The following CCL17 variants were observed in gnomAD, a reference collection of about 807,000 sequenced individuals.
The protein encoded by CCL17 is C-C motif chemokine ligand 17, also known as C-C motif chemokine 17.
A neutral mutation model predicts 7.4 loss-of-function variants in CCL17; 8 were observed. The ratio of observed to expected loss-of-function variants is 1.09; its 90% CI spans 0.64 to 1.96. The LOEUF is 1.96. CCL17 is among the 30% of genes most tolerant of loss of function. CCL17 has a pLI of 0.00. For synonymous variants in CCL17, 40 were observed against 46.1 expected, an observed-to-expected ratio of 0.87 and a Z score of 0.54; for missense variants, 102 against 113.0, an observed-to-expected ratio of 0.90 and a Z score of 0.44.
upstream of CCL17, among the ~76,000 whole-genome samples, chr16:57,400,354 G>A (rs370240495): frequency 1.3e-3 from 201 of 151,492 alleles, no homozygotes; most frequent in East Asian, 6.4e-3. Context: ...GCGAGACTCC[G>A]TCTCAAAAAA....
At chr16:57,411,076 A>G (rs1343002809) in intron 1 of CCL17, among the ~76,000 whole-genome samples, 1 of 151,940 alleles carries the variant, frequency 6.6e-6, no homozygotes, top group East Asian at 1.9e-4. Context: ...CTTTCTTCCA[A>G]TCTCAGTATG....
At chr16:57,403,552 T>A (rs1263526409), upstream of CCL17, among the ~76,000 whole-genome samples, 1 of 28,306 alleles carries the variant, frequency 3.5e-5, no homozygotes, top group Non-Finnish European at 5.1e-5. Context: ...ATATATATTT[T>A]ATATATATAT....
the CCL17 span, among the ~76,000 whole-genome samples, chr16:57,396,798 G>A: frequency 6.6e-6 from 1 of 152,186 alleles, no homozygotes; most frequent in Non-Finnish European, 1.5e-5. Context: ...GGGATAGTAG[G>A]TGCCCCAGGG....
intron 1 of CCL17, among the ~76,000 whole-genome samples, chr16:57,405,580 C>T (rs1314758239): frequency 6.6e-6 from 1 of 152,152 alleles, no homozygotes; most frequent in South Asian, 2.1e-4. Flanking sequence ...TGCTTCCCAG[C>T]AGCTCACAGG....
chr16:57,415,768 T>C lies in CCL17; in HGVS notation c.192T>C (p.Phe64=). Residue 64 remains phenylalanine, a synonymous_variant, in exon 4 of 4, where the codon TTT becomes TTC. Coordinates refer to ENST00000219244, the MANE Select transcript of CCL17 (RefSeq NM_002987.3). The surrounding 1 kb of genome is among the most constrained non-coding windows in gnomAD (Gnocchi z 4.5). ...SEDCSRDAIV[F]VTVQGRAICS... ...GTAACGTCCTCCTTCTGTGTAGTTT[T>C]GTAACTGTGCAGGGCAGGGCCATCT... 6.2e-7 allele frequency: 1 copy of C among 1,608,296 alleles called. No individual in the cohort carries two copies. The highest frequency in any genetic ancestry group is 8.5e-7 in the Non-Finnish European group (1 of 1,174,670).
rs1470690966 is a variant in CCL17, at chr16:57,415,923, G to A, written c.*62G>A. On this transcript the variant is annotated 3_prime_UTR_variant, in exon 4 of 4. Coordinates refer to ENST00000219244, the MANE Select transcript of CCL17 (RefSeq NM_002987.3). This position sits in a 1 kb window ranked among gnomAD's most constrained non-coding sequence, Gnocchi z 4.5. ...ACTACCTGGGACCTCCACCGTTGGT[G>A]TTCACCGCCCCCACCCTGAGCGCCT... 1.8e-6 allele frequency: 2 copies of A among 1,138,396 alleles called. No individual in the cohort carries two copies. The highest frequency in any genetic ancestry group is 4.7e-5 in the East Asian group (2 of 42,160). The allele number at this position is 1,138,396 out of a possible 1,614,324, so 70.5% of individuals were successfully genotyped here. A position where few individuals can be genotyped will look rare whatever the true frequency, so the allele number is the denominator to read the frequency against.
chr16:57,413,353 C>T lies in CCL17; in HGVS notation c.-59-521C>T, dbSNP rs991398574. On this transcript the variant is annotated intron_variant, in intron 1 of 3. Transcript: ENST00000219244. ...AGAGTGATGCCCATGTGCCCATGCC[C>T]GGCAGCCAGGGTGGCCCTGGCAGCA... 2.4e-4 allele frequency among the ~76,000 whole-genome samples: 37 copies of T among 152,014 alleles called. 1 individual carries two copies. The highest frequency in any genetic ancestry group is 9.2e-4 in the Admixed American group (14 of 15,278).
intron 1 of CCL17, 151 bp from the exon 2 acceptor site, chr16:57,413,723 C>G (rs1902821593): frequency 2.1e-6 from 1 of 469,882 alleles, no homozygotes; most frequent in Admixed American, 3.3e-5. Flanking sequence ...TCTGGAAATC[C>G]ACAAACATTC....
intron 1 of CCL17, among the ~76,000 whole-genome samples, chr16:57,406,392 A>G (rs1380692083): frequency 6.6e-6 from 1 of 152,090 alleles, no homozygotes; most frequent in Non-Finnish European, 1.5e-5. Flanking sequence ...CAGCCTCCCA[A>G]AGTGCTGGGA....
chr16:57,411,788 G>A (rs1450932175), intron 1 of CCL17, among the ~76,000 whole-genome samples: 1 of 152,244 alleles, frequency 6.6e-6, no homozygotes, highest in Non-Finnish European at 1.5e-5. Flanking sequence ...CCAGGTCAGG[G>A]CTGCCCTGTG....
At position 57,415,727 on chromosome 16, in the gene CCL17, C is replaced by T; in HGVS notation, c.189-38C>T. 1 of 1,385,632 alleles carries T rather than the reference C, an allele frequency of 7.2e-7. No homozygotes were observed. The allele number at this position is 1,385,632 out of a possible 1,614,324, so 85.8% of individuals were successfully genotyped here. On this transcript the variant is annotated intron_variant, in intron 3 of 3. Transcript: ENST00000219244. The surrounding 1 kb of genome is among the most constrained non-coding windows in gnomAD (Gnocchi z 4.5). ...TCCCAGGGACTCTGGGGGCCCTTCC[C>T]CCCCTGCCACTCCTGGTAACGTCCT...
chr16:57,413,873 G>T lies in CCL17; in HGVS notation c.-59-1G>T. Reference sequence around the variant, plus strand: ...TCACTGCCACCCTCGACTCTCAGCAGGGTGTCTCCCTGAGCAGAGGGACCT... The same window carrying T: ...TCACTGCCACCCTCGACTCTCAGCATGGTGTCTCCCTGAGCAGAGGGACCT... On this transcript the variant is annotated splice_acceptor_variant, in intron 1 of 3. Transcript: ENST00000219244. LOFTEE classifies it low-confidence loss of function (5UTR_SPLICE). 6.7e-7 allele frequency: 1 copy of T among 1,482,006 alleles called. No homozygotes were observed. Among genetic ancestry groups the T allele is most frequent in the South Asian group, 1.2e-5 (1 of 81,560 alleles). The allele number at this position is 1,482,006 out of a possible 1,614,324, so 91.8% of individuals were successfully genotyped here. A position where few individuals can be genotyped will look rare whatever the true frequency, so the allele number is the denominator to read the frequency against.
chr16:57,396,333 G>A, the CCL17 span, among the ~76,000 whole-genome samples: 2 of 152,196 alleles, frequency 1.3e-5, no homozygotes, highest in African/African-American at 4.8e-5. Flanking sequence ...ATATGCCTTG[G>A]CTGGGTACAC....
chr16:57,414,619 A>T (rs900343267), intron 2 of CCL17, among the ~76,000 whole-genome samples: 7 of 151,580 alleles, frequency 4.6e-5, no homozygotes, highest in Non-Finnish European at 1.0e-4. Context: ...CTGGTCTCGA[A>T]CTCCTGACCT....
upstream of CCL17, among the ~76,000 whole-genome samples, chr16:57,403,637 TTATAAATATA>T (rs1371957056): frequency 2.4e-5 from 2 of 83,448 alleles, no homozygotes; most frequent in Non-Finnish European, 4.3e-5. Context: ...ATTATATATA[TTATAAATATA>T]TATAATATAT....
chr16:57,416,029 G>A lies in CCL17; in HGVS notation c.*168G>A, dbSNP rs1014913055. 9.3e-5 allele frequency: 55 copies of A among 590,570 alleles called. No individual in the cohort carries two copies. Among genetic ancestry groups the A allele is most frequent in the Non-Finnish European group, 1.5e-4 (50 of 328,194 alleles). The allele number at this position is 590,570 out of a possible 1,614,324, so 36.6% of individuals were successfully genotyped here. ...TCCCCTTGTCTGAACTGGAGCCATG[G>A]GCACAAAGGGCCCAGATTAAAGTCT... is the stretch of plus-strand genomic sequence containing the variant. On this transcript the variant is annotated 3_prime_UTR_variant, in exon 4 of 4. Transcript: ENST00000219244.
upstream of CCL17, among the ~76,000 whole-genome samples, chr16:57,403,149 ATATATATAATATATATTAT>A (rs1408433435): frequency 1.1e-5 from 1 of 88,580 alleles, no homozygotes; most frequent in African/African-American, 4.8e-5. Flanking sequence ...ATTATCTATA[ATATATATAATATATATTAT>A]TATCTATAAT....
chr16:57,413,613 A>G (rs769039090), intron 1 of CCL17, among the ~76,000 whole-genome samples: 2 of 152,204 alleles, frequency 1.3e-5, no homozygotes, highest in Non-Finnish European at 2.9e-5. Context: ...CAATTCTAAT[A>G]GAGGAACCAA....
At chr16:57,409,245 A>T (rs185590804) in intron 1 of CCL17, among the ~76,000 whole-genome samples, 72 of 152,336 alleles carry the variant, frequency 4.7e-4, no homozygotes, top group African/African-American at 1.7e-3. Flanking sequence ...AGTAGGAGTG[A>T]AAGGAAGTGA....
Sources: allele counts gnomAD v4.1 joint callset (sites outside exome capture counted in the v4.1 genomes callset), GRCh38; gene constraint gnomAD v4.1.1; non-coding constraint Gnocchi (gnomAD v3.1); transcripts MANE v1.5; gene names NCBI Gene and HGNC (gene_info 2026-07-23, HGNC 2026-07-21).